Variants in PFKFB1 observed in about 807,000 individuals in gnomAD.
PFKFB1 encodes the protein 6-phosphofructo-2-kinase/fructose-2,6-biphosphatase 1.
In PFKFB1, 34 loss-of-function variants were observed where a neutral mutation model predicts 46.4. The ratio of observed to expected loss-of-function variants is 0.73; its 90% CI spans 0.56 to 0.98. PFKFB1 has a LOEUF of 0.98. PFKFB1 is among the 50% of genes least tolerant of loss of function. PFKFB1 has a pLI of 0.00. For missense variants in PFKFB1, 393 were observed against 376.3 expected, an observed-to-expected ratio of 1.04 and a Z score of -0.37; for synonymous variants, 119 against 133.8, an observed-to-expected ratio of 0.89 and a Z score of 0.76.
At chrX:54,942,008 G>A (rs933333907) in intron 10 of PFKFB1, among the ~76,000 whole-genome samples, 1 of 112,083 alleles carries the variant, frequency 8.9e-6, no homozygotes, top group African/African-American at 3.2e-5. Context: ...GTCCAACAAT[G>A]ATAGACTGGA....
At chrX:54,958,486 C>G (rs773514879) in intron 5 of PFKFB1, 124 bp from the exon 6 acceptor site, 167 of 463,308 alleles carry the variant, frequency 3.6e-4, no homozygotes, top group South Asian at 7.0e-4. Flanking sequence ...ACATAATGCT[C>G]TCATACAGTG....
chrX:54,998,304 C>T (rs1935385312), upstream of PFKFB1: 1 of 652,898 alleles, frequency 1.5e-6, no homozygotes, highest in Non-Finnish European at 2.4e-6. Context: ...CTTTAATGCA[C>T]ACGACAACCA....
At chrX:54,992,030 A>ACATTGTCC (rs1935255345) in intron 1 of PFKFB1, among the ~76,000 whole-genome samples, 1 of 111,879 alleles carries the variant, frequency 8.9e-6, no homozygotes, top group Admixed American at 9.5e-5. Flanking sequence ...AGTGAACCAG[A>ACATTGTCC]CATTGTCCAG....
At chrX:54,939,701 T>C (rs1278115728) in intron 10 of PFKFB1, among the ~76,000 whole-genome samples, 1 of 111,690 alleles carries the variant, frequency 9.0e-6, no homozygotes, top group South Asian at 3.7e-4. Flanking sequence ...AGAAAGAGGT[T>C]GAATCTCTGA....
At chrX:54,942,392 TA>T (rs1286272202) in intron 10 of PFKFB1, among the ~76,000 whole-genome samples, 2 of 111,720 alleles carry the variant, frequency 1.8e-5, no homozygotes, top group African/African-American at 3.3e-5. Context: ...TAAATTATAA[TA>T]AAAAAATCCT....
intron 6 of PFKFB1, among the ~76,000 whole-genome samples, chrX:54,957,163 A>G (rs1286594792): frequency 1.8e-5 from 2 of 111,875 alleles, no homozygotes; most frequent in Admixed American, 1.9e-4. Context: ...GCTTTAGCCA[A>G]TTTAAGCTAC....
At chrX:54,947,968 G>A (rs1344141857) in intron 9 of PFKFB1, among the ~76,000 whole-genome samples, 1 of 107,869 alleles carries the variant, frequency 9.3e-6, no homozygotes, top group African/African-American at 3.4e-5. Context: ...TGTCACTCAG[G>A]CTGGAGTGCA....
At chrX:54,979,798 A>C (rs1934927576) in intron 1 of PFKFB1, among the ~76,000 whole-genome samples, 3 of 111,650 alleles carry the variant, frequency 2.7e-5, no homozygotes, top group Non-Finnish European at 5.7e-5. Flanking sequence ...TTTAACCCAT[A>C]AAATAAGGCA....
chrX:54,933,977 C>G, intron 12 of PFKFB1, 92 bp from the exon 13 acceptor site: 1 of 649,461 alleles, frequency 1.5e-6, no homozygotes, highest in Non-Finnish European at 2.5e-6. Flanking sequence ...TCACCAGCCA[C>G]ACCCCCAGCT....
Position 54,948,066 on chromosome X carries a change from G to A in PFKFB1, c.993+1009C>T, listed in dbSNP as rs1933856925. On this transcript the variant is annotated intron_variant, in intron 9 of 13. Transcript: ENST00000375006. ...GCCTCCAGAGTAGCTGGGGTCACAG[G>A]CATGCACCACTGCACCCAGCTAATT... is the stretch of plus-strand genomic sequence containing the variant. 3.6e-5 allele frequency among the ~76,000 whole-genome samples: 4 copies of A among 110,193 alleles called. No homozygotes were observed. The South Asian group carries it at 1.6e-3, about 44-fold the overall frequency.
At chrX:54,940,080 G>A (rs2146595486) in intron 10 of PFKFB1, among the ~76,000 whole-genome samples, 1 of 111,983 alleles carries the variant, frequency 8.9e-6, no homozygotes, top group African/African-American at 3.2e-5. Flanking sequence ...TGCAAGGCTG[G>A]TTCAACATAT....
intron 1 of PFKFB1, among the ~76,000 whole-genome samples, chrX:54,977,783 C>T (rs924777434): frequency 1.8e-5 from 2 of 110,209 alleles, no homozygotes; most frequent in Admixed American, 9.8e-5. Context: ...AAAAAAGTAA[C>T]GAAGTGCTAG....
At chrX:54,978,069 A>G (rs1335638881) in intron 1 of PFKFB1, among the ~76,000 whole-genome samples, 1 of 110,191 alleles carries the variant, frequency 9.1e-6, no homozygotes. Flanking sequence ...GAGGCTATGC[A>G]TGTGGAGGGG....
At chrX:54,948,054 C>G (rs1283718072) in intron 9 of PFKFB1, among the ~76,000 whole-genome samples, 1 of 110,116 alleles carries the variant, frequency 9.1e-6, no homozygotes, top group Non-Finnish European at 1.9e-5. Context: ...TCCAGAGTAG[C>G]TGGGGTCACA....
chrX:54,994,824 CTAAA>C (rs1452087820), upstream of PFKFB1: 41 of 752,178 alleles, frequency 5.5e-5, no homozygotes, highest in Middle Eastern at 1.5e-3. Context: ...CAGCCAAGGG[CTAAA>C]TAAATAGGAG....
intron 7 of PFKFB1, among the ~76,000 whole-genome samples, chrX:54,952,342 C>T (rs1239473964): frequency 8.9e-6 from 1 of 111,963 alleles, no homozygotes; most frequent in Non-Finnish European, 1.9e-5. Flanking sequence ...CTCCTTCCTT[C>T]AGCCTCAACT....
intron 4 of PFKFB1, 39 bp from the exon 5 acceptor site, chrX:54,958,964 G>C (rs748701442): frequency 1.1e-6 from 1 of 879,748 alleles, no homozygotes; most frequent in Non-Finnish European, 1.7e-6. Context: ...TCTGAATCTG[G>C]TGCTAACAGA....
chrX:54,948,172 C>T lies in PFKFB1; in HGVS notation c.993+903G>A, dbSNP rs1933860972. On this transcript the variant is annotated intron_variant, in intron 9 of 13. Coordinates refer to ENST00000375006, the MANE Select transcript of PFKFB1 (RefSeq NM_002625.4). ...TCCTGGGCTCAAGTGATCCTCCCACCTAGCCCTCCCAAAGTGCTGGGATTA... is the reference window on the plus strand; with the variant it reads ...TCCTGGGCTCAAGTGATCCTCCCACTTAGCCCTCCCAAAGTGCTGGGATTA... Among the ~76,000 whole-genome samples, 4 of 111,341 alleles carry T rather than the reference C, an allele frequency of 3.6e-5. No individual in the cohort carries two copies. In the Admixed American group the frequency reaches 3.8e-4, roughly 11 times the overall value.
chrX:54,975,139 A>T (rs1239617542), intron 1 of PFKFB1, among the ~76,000 whole-genome samples: 1 of 111,497 alleles, frequency 9.0e-6, no homozygotes, highest in Non-Finnish European at 1.9e-5. Context: ...TTATATGAAA[A>T]AGACATGTGC....
Sources: gnomAD v4.1 joint callset for allele counts (sites outside exome capture counted in the v4.1 genomes callset) on GRCh38, gnomAD v4.1.1 for gene constraint, MANE v1.5 for transcripts, NCBI Gene and HGNC (gene_info 2026-07-23, HGNC 2026-07-21) for gene names.